Variants in PTPRK observed in about 807,000 individuals in gnomAD.
PTPRK encodes receptor-type tyrosine-protein phosphatase kappa.
A neutral mutation model predicts 178.0 loss-of-function variants in PTPRK; 75 were observed. That is an observed-to-expected ratio of 0.42 (90% confidence interval 0.35 to 0.51). PTPRK has a LOEUF of 0.51. Ranked by LOEUF, PTPRK falls within the 20% of genes least tolerant of loss-of-function variation. PTPRK has a pLI of 0.02. For missense variants in PTPRK, 1,441 were observed against 1,797.8 expected (o/e 0.80, Z 3.59); for synonymous variants, 637 against 620.6 (o/e 1.03, Z -0.39).
In PTPRK at chr6:127,969,519, T is replaced by C. The variant is rs1018166267; in HGVS notation, c.*708A>G. On this transcript the variant is annotated 3_prime_UTR_variant, in exon 30 of 30. Transcript: ENST00000368226. Reference sequence around the variant, plus strand: ...TACAAAAATCGTTTACAATTGATTTTAGCTAAAGAAAAAGCTTTCTTCAGG... The same window carrying C: ...TACAAAAATCGTTTACAATTGATTTCAGCTAAAGAAAAAGCTTTCTTCAGG... 1.3e-5 allele frequency: 2 copies of C among 152,112 alleles called. No homozygotes were observed. The highest frequency in any genetic ancestry group is 3.8e-4 in the East Asian group (2 of 5,204). The allele number at this position is 152,112 out of a possible 1,614,324, so 9.4% of individuals were successfully genotyped here.
At chr6:127,980,561 C>T (rs1775210307) in intron 25 of PTPRK, among the ~76,000 whole-genome samples, 1 of 151,622 alleles carries the variant, frequency 6.6e-6, no homozygotes, top group Non-Finnish European at 1.5e-5. Context: ...GGCTATATAA[C>T]ACCCTGCAAT....
At position 127,973,645 on chromosome 6, in the gene PTPRK, G is replaced by A; in HGVS notation, c.4133+19C>T. 6.2e-7 allele frequency: 1 copy of A among 1,610,424 alleles called. No individual in the cohort carries two copies. The highest frequency in any genetic ancestry group is 2.2e-5 in the East Asian group (1 of 44,806). Reference sequence around the variant, plus strand: ...AGCACCAAGGCCCCATGAATGACAGGCTGAGCTGCCCTACTCACAGGCAGT... The same window carrying A: ...AGCACCAAGGCCCCATGAATGACAGACTGAGCTGCCCTACTCACAGGCAGT... On this transcript the variant is annotated intron_variant, in intron 28 of 29. Transcript: ENST00000368226.
At chr6:128,237,181 A>G (rs538514752) in intron 5 of PTPRK, among the ~76,000 whole-genome samples, 48 of 152,308 alleles carry the variant, frequency 3.2e-4, no homozygotes, top group African/African-American at 1.1e-3. Flanking sequence ...CTGTTTTTCT[A>G]GTCTTTGTTA....
chr6:128,209,808 A>G (rs921516269), intron 6 of PTPRK, among the ~76,000 whole-genome samples: 1 of 152,158 alleles, frequency 6.6e-6, no homozygotes, highest in Non-Finnish European at 1.5e-5. Context: ...AGATCATGGT[A>G]TGTTAAAGCA....
At chr6:128,024,764 C>G (rs1158547542) in intron 13 of PTPRK, among the ~76,000 whole-genome samples, 1 of 152,060 alleles carries the variant, frequency 6.6e-6, no homozygotes, top group African/African-American at 2.4e-5. Flanking sequence ...GAGCCGAGAT[C>G]GTGGCACTGC....
intron 13 of PTPRK, among the ~76,000 whole-genome samples, chr6:128,044,729 C>G (rs1303927351): frequency 6.6e-6 from 1 of 151,870 alleles, no homozygotes; most frequent in Non-Finnish European, 1.5e-5. Context: ...ATTAGTTTTA[C>G]TCAGGAAACT....
intron 7 of PTPRK, among the ~76,000 whole-genome samples, chr6:128,156,046 T>C (rs983450874): frequency 3.3e-5 from 5 of 152,070 alleles, no homozygotes; most frequent in African/African-American, 4.8e-5. Context: ...GTAGCAATTA[T>C]TGCAAGTTTC....
At chr6:128,246,329 A>T (rs1400709533) in intron 3 of PTPRK, among the ~76,000 whole-genome samples, 1 of 152,152 alleles carries the variant, frequency 6.6e-6, no homozygotes, top group Non-Finnish European at 1.5e-5. Context: ...AAACAAGATT[A>T]CTACACCCCT....
intron 6 of PTPRK, among the ~76,000 whole-genome samples, chr6:128,189,016 G>A (rs1562755249): frequency 2.0e-5 from 3 of 152,022 alleles, no homozygotes; most frequent in South Asian, 2.1e-4. Flanking sequence ...AGGTTCCAAG[G>A]ATTAGAATCT....
intron 7 of PTPRK, among the ~76,000 whole-genome samples, chr6:128,097,580 T>C (rs1403790437): frequency 6.6e-6 from 1 of 152,148 alleles, no homozygotes; most frequent in Non-Finnish European, 1.5e-5. Context: ...TGACGGTGAC[T>C]GAAAATTTGG....
intron 3 of PTPRK, among the ~76,000 whole-genome samples, chr6:128,262,857 CAAAAAAA>C (rs747334195): frequency 1.3e-4 from 10 of 75,108 alleles, no homozygotes; most frequent in Non-Finnish European, 2.2e-4. Flanking sequence ...AACCAATAAC[CAAAAAAA>C]AAAAAAAAAA....
chr6:128,203,939 G>T (rs1422838968), intron 6 of PTPRK, among the ~76,000 whole-genome samples: 1 of 152,014 alleles, frequency 6.6e-6, no homozygotes, highest in African/African-American at 2.4e-5. Context: ...AAATTCATAT[G>T]GAACCAAAAA....
chr6:128,517,093 C>T (rs1474826247), intron 1 of PTPRK, among the ~76,000 whole-genome samples: 1 of 151,618 alleles, frequency 6.6e-6, no homozygotes, highest in Non-Finnish European at 1.5e-5. Flanking sequence ...TGCACACACA[C>T]ACGTGCGCAC....
At chr6:128,377,577 T>C (rs531731665) in intron 2 of PTPRK, among the ~76,000 whole-genome samples, 3 of 152,234 alleles carry the variant, frequency 2.0e-5, no homozygotes, top group South Asian at 2.1e-4. Context: ...TTGTAAGTAA[T>C]AGACAACTGG....
chr6:128,413,942 A>T (rs1842575978), intron 1 of PTPRK, among the ~76,000 whole-genome samples: 1 of 152,180 alleles, frequency 6.6e-6, no homozygotes, highest in Non-Finnish European at 1.5e-5. Flanking sequence ...TTAAAAAAAG[A>T]CTAACAGTAG....
chr6:128,104,774 G>A (rs984059508), intron 7 of PTPRK, among the ~76,000 whole-genome samples: 3 of 152,162 alleles, frequency 2.0e-5, no homozygotes, highest in African/African-American at 7.2e-5. Context: ...CCAGGGTAAT[G>A]CTCTAGAAAA....
chr6:128,194,245 C>T (rs1472822348), intron 6 of PTPRK, among the ~76,000 whole-genome samples: 2 of 151,784 alleles, frequency 1.3e-5, no homozygotes, highest in East Asian at 3.9e-4. Context: ...GCCACTATGC[C>T]AGGCTAATTT....
chr6:128,346,176 C>T (rs1459369490), intron 2 of PTPRK, among the ~76,000 whole-genome samples: 1 of 151,982 alleles, frequency 6.6e-6, no homozygotes, highest in Non-Finnish European at 1.5e-5. Flanking sequence ...TGGCCACAAT[C>T]TCATAGAATT....
intron 11 of PTPRK, among the ~76,000 whole-genome samples, chr6:128,072,538 A>T (rs1417146968): frequency 6.6e-6 from 1 of 152,044 alleles, no homozygotes; most frequent in Non-Finnish European, 1.5e-5. Flanking sequence ...CAACATTAAA[A>T]TTTGAAGTAC....
Sources: gnomAD v4.1 joint callset for allele counts (sites outside exome capture counted in the v4.1 genomes callset) on GRCh38, gnomAD v4.1.1 for gene constraint, MANE v1.5 for transcripts, NCBI Gene and HGNC (gene_info 2026-07-23, HGNC 2026-07-21) for gene names.